The following CRABP1 variants were observed in gnomAD, a reference collection of about 807,000 sequenced individuals.
The protein encoded by CRABP1 is cellular retinoic acid binding protein 1.
CRABP1 carries 9 observed loss-of-function variants against 16.4 expected under a neutral mutation model. The ratio of observed to expected loss-of-function variants is 0.55; its 90% confidence interval spans 0.33 to 0.96. The LOEUF (loss-of-function observed/expected upper bound fraction) is 0.96, where lower values mean the gene tolerates loss of function less well. Ranked by LOEUF, CRABP1 falls within the 40% of genes least tolerant of loss-of-function variation. The pLI is 0.03. For missense variants in CRABP1, 157 were observed against 186.0 expected, an observed-to-expected ratio of 0.84 and a Z score of 0.91; for synonymous variants, 72 against 70.4, an observed-to-expected ratio of 1.02 and a Z score of -0.11.
chr15:78,343,310 C>T (rs940586327), intron 2 of CRABP1, among the ~76,000 whole-genome samples, 189 bp from the exon 3 acceptor site: 1 of 151,950 alleles, frequency 6.6e-6, no homozygotes, highest in African/African-American at 2.4e-5. Context: ...TGTATTTATA[C>T]CCCATAAAAT....
chr15:78,342,389 T>G (rs12593362), intron 2 of CRABP1, among the ~76,000 whole-genome samples: 88,236 of 151,592 alleles, frequency 0.58, 26,881 homozygotes, highest in Non-Finnish European at 0.68. Context: ...AAAAAAAAAA[T>G]TAAAGGTTCA....
chr15:78,343,479 A>C lies in CRABP1; in HGVS notation c.250-20A>C, dbSNP rs375367244. On this transcript the variant is annotated intron_variant, in intron 2 of 3. Transcript: ENST00000299529. ...TGCTGAGACTCTAATTAATGTCACT[A>C]ATGGTTTTCCCGCCTGCAGAGTTTA... 1.9e-6 allele frequency: 3 copies of C among 1,588,476 alleles called. No individual in the cohort carries two copies. The African/African-American group carries it at 4.0e-5, about 21-fold the overall frequency.
rs966520376 is a variant in CRABP1 at position 78,341,491 on chromosome 15, G to A, written c.249+270G>A. 5 of 450,304 alleles carry A rather than the reference G, an allele frequency of 1.1e-5. No individual in the cohort carries two copies. Among genetic ancestry groups the A allele is most frequent in the African/African-American group, 4.0e-5 (2 of 50,042 alleles). 27.9% of individuals were successfully genotyped at this position (450,304 alleles called of 1,614,324 possible). A position where few individuals can be genotyped will look rare whatever the true frequency, so the allele number is the denominator to read the frequency against. On this transcript the variant is annotated intron_variant, in intron 2 of 3. Coordinates refer to ENST00000299529, the MANE Select transcript of CRABP1 (RefSeq NM_004378.3). This position sits in a 1 kb window ranked among gnomAD's most constrained non-coding sequence, Gnocchi z 5.3. The stretch of plus-strand genomic sequence containing the variant: ...TAAAGAGCGGGCTCTGGGTTGCGCC[G>A]CGTTCCCAGCAGTGGCTTTTGCAGC...
At position 78,343,114 on chromosome 15, in the gene CRABP1, C is replaced by CAA. The variant is rs529613378; in HGVS notation, c.250-376_250-375dup. ...TGGGCAACAGAGCGAGACTCCATCT[C>CAA]AAAAAAAAAATGAATAAAAATAAAT... On this transcript the variant is annotated intron_variant, in intron 2 of 3. Transcript: ENST00000299529. Among the ~76,000 whole-genome samples the CAA allele has an allele frequency of 5.5e-3, 813 of 147,010 alleles. 9 individuals are homozygous for CAA. The highest frequency in any genetic ancestry group is 0.02 in the African/African-American group (781 of 39,912).
In CRABP1 at chr15:78,340,411, G is replaced by C; in HGVS notation, c.-18G>C. On this transcript the variant is annotated 5_prime_UTR_variant, in exon 1 of 4. Coordinates refer to ENST00000299529, the MANE Select transcript of CRABP1 (RefSeq NM_004378.3). ...TGCGCCGCCGCTGTCCGTACCTGCC[G>C]CCGCCGCCACCGCCACCATGCCCAA... 6.3e-7 allele frequency: 1 copy of C among 1,580,566 alleles called. No individual in the cohort carries two copies. Among genetic ancestry groups the C allele is most frequent in the Non-Finnish European group, 8.6e-7 (1 of 1,164,998 alleles).
rs143159972 is a variant in CRABP1, at chr15:78,340,440, C to T, written c.12C>T (p.Phe4=). The T allele has an allele frequency of 3.7e-6, 6 of 1,601,028 alleles. No homozygotes were observed. The African/African-American group carries it at 6.7e-5, about 18-fold the overall frequency. MPN[F]AGTWKMRSSE... The stretch of plus-strand genomic sequence containing the variant: ...CCGCCACCGCCACCATGCCCAACTT[C>T]GCCGGCACCTGGAAGATGCGCAGCA... The change falls in exon 1 of 4, where the codon TTC becomes TTT. Residue 4 remains phenylalanine (F), a synonymous_variant. Transcript: ENST00000299529.
chr15:78,348,074 A>G lies in CRABP1; in HGVS notation c.*97A>G. On this transcript the variant is annotated 3_prime_UTR_variant, in exon 4 of 4. Coordinates refer to ENST00000299529, the MANE Select transcript of CRABP1 (RefSeq NM_004378.3). Reference sequence around the variant, plus strand: ...TGCCAGTGGACCGCCCTTTTCCCCTACCAATATTAGGTGATCCCGTTTTCC... The same window carrying G: ...TGCCAGTGGACCGCCCTTTTCCCCTGCCAATATTAGGTGATCCCGTTTTCC... The G allele has an allele frequency of 1.7e-6, 2 of 1,175,426 alleles. No homozygotes were observed. The highest frequency in any genetic ancestry group is 2.6e-5 in the South Asian group (2 of 77,106). 72.8% of individuals were successfully genotyped at this position (1,175,426 alleles called of 1,614,324 possible).
chr15:78,344,392 G>A (rs924390599), intron 3 of CRABP1, among the ~76,000 whole-genome samples: 16 of 151,902 alleles, frequency 1.1e-4, no homozygotes, highest in African/African-American at 3.1e-4. Flanking sequence ...CCCAGGAGGC[G>A]GAGGTTGCAG....
Position 78,341,138 on chromosome 15 carries a change from T to TC in CRABP1, c.168dup (p.Thr57HisfsTer7). ...CGGGGATCAGTTCTACATCAAGACA[T>TC]CCACCACGGTGCGCACCACTGAGAT... is the stretch of plus-strand genomic sequence containing the variant. On this transcript the variant is annotated frameshift_variant, in exon 2 of 4. Transcript: ENST00000299529. LOFTEE classifies it high-confidence loss of function. The surrounding 1 kb of genome is among the most constrained non-coding windows in gnomAD (Gnocchi z 5.3). The TC allele has an allele frequency of 6.2e-7, 1 of 1,612,968 alleles. No homozygotes were observed. Among genetic ancestry groups the TC allele is most frequent in the Non-Finnish European group, 8.5e-7 (1 of 1,179,622 alleles).
At position 78,347,982 on chromosome 15, in the gene CRABP1, A is replaced by C. The variant is rs763190419; in HGVS notation, c.*5A>C. The C allele has an allele frequency of 1.2e-6, 2 of 1,614,120 alleles. No homozygotes were observed. The highest frequency in any genetic ancestry group is 8.5e-7 in the Non-Finnish European group (1 of 1,179,982). ...AGAATTTATGTCCGAGAGTGAAGGC[A>C]GCTGGCTTGCTCCTACTTTCAGGAA... is the stretch of plus-strand genomic sequence containing the variant. On this transcript the variant is annotated 3_prime_UTR_variant, in exon 4 of 4. Transcript: ENST00000299529.
intron 3 of CRABP1, among the ~76,000 whole-genome samples, chr15:78,344,401 A>G (rs976680392): frequency 6.6e-6 from 1 of 152,046 alleles, no homozygotes; most frequent in African/African-American, 2.4e-5. Context: ...CGGAGGTTGC[A>G]GTGAGCTGAG....
At chr15:78,343,434 ATTG>A (rs1555444295) in intron 2 of CRABP1, 62 bp from the exon 3 acceptor site, 3 of 1,264,778 alleles carry the variant, frequency 2.4e-6, no homozygotes, top group Non-Finnish European at 3.4e-6. Flanking sequence ...TTCAATGCTC[ATTG>A]TTGTCCCTGC....
chr15:78,341,089 G>A lies in CRABP1; in HGVS notation c.117G>A (p.Lys39=), dbSNP rs2050230893. Residue 39 remains lysine, a synonymous_variant, in exon 2 of 4, where the codon AAG becomes AAA. Coordinates refer to ENST00000299529, the MANE Select transcript of CRABP1 (RefSeq NM_004378.3). The surrounding 1 kb of genome is among the most constrained non-coding windows in gnomAD (Gnocchi z 5.3). ...LRKVAVAAAS[K]PHVEIRQDGD... Reference sequence around the variant, plus strand: ...AAGTGGCCGTAGCGGCTGCGTCCAAGCCGCACGTGGAGATCCGCCAGGACG... The same window carrying A: ...AAGTGGCCGTAGCGGCTGCGTCCAAACCGCACGTGGAGATCCGCCAGGACG... The A allele has an allele frequency of 6.2e-7, 1 of 1,612,108 alleles. No homozygotes were observed. Among genetic ancestry groups the A allele is most frequent in the East Asian group, 2.2e-5 (1 of 44,844 alleles).
At chr15:78,347,869 T>G in intron 3 of CRABP1, 58 bp from the exon 4 acceptor site, 1 of 1,550,552 alleles carries the variant, frequency 6.4e-7, no homozygotes, top group Non-Finnish European at 8.9e-7. Flanking sequence ...TGATATGCTT[T>G]AAACATTTTT....
At position 78,343,622 on chromosome 15, in the gene CRABP1, C is replaced by G; in HGVS notation, c.363+10C>G. On this transcript the variant is annotated intron_variant, in intron 3 of 3. Coordinates refer to ENST00000299529, the MANE Select transcript of CRABP1 (RefSeq NM_004378.3). The stretch of plus-strand genomic sequence containing the variant: ...CGATGAACTTATCCTGGTAGGGAAC[C>G]CTTGACCCTGAAATAATCCTGAAGT... 1.2e-6 allele frequency: 2 copies of G among 1,611,654 alleles called. No individual in the cohort carries two copies. Among genetic ancestry groups the G allele is most frequent in the Non-Finnish European group, 1.7e-6 (2 of 1,177,944 alleles).
intron 3 of CRABP1, 89 bp from the exon 4 acceptor site, chr15:78,347,838 G>A: frequency 8.5e-7 from 1 of 1,171,332 alleles, no homozygotes; most frequent in East Asian, 2.3e-5. Flanking sequence ...TTTTTAACAG[G>A]GCAATAAGTG....
At chr15:78,340,557 C>T (rs2050226981) in intron 1 of CRABP1, 59 bp downstream of exon 1, 3 of 1,562,864 alleles carry the variant, frequency 1.9e-6, no homozygotes, top group South Asian at 2.3e-5. Flanking sequence ...GTGCCCTGGT[C>T]CCGGAAGTGC....
At chr15:78,344,435 G>A (rs932286632) in intron 3 of CRABP1, among the ~76,000 whole-genome samples, 6 of 147,658 alleles carry the variant, frequency 4.1e-5, no homozygotes, top group Admixed American at 6.8e-5. Flanking sequence ...ACTCCAGCCT[G>A]GGCGACAGAG....
In CRABP1 at chr15:78,347,953, C is replaced by T. The variant is rs757877530; in HGVS notation, c.390C>T (p.Cys130=). The T allele has an allele frequency of 4.3e-6, 7 of 1,614,166 alleles. No homozygotes were observed. The highest frequency in any genetic ancestry group is 3.3e-4 in the Middle Eastern group (2 of 6,060). The part of the protein sequence containing the change: ...ILTFGADDVV[C]TRIYVRE ...CGTTTGGCGCCGATGACGTGGTCTG[C>T]ACCAGAATTTATGTCCGAGAGTGAA... Residue 130 remains cysteine (C), a synonymous_variant, in exon 4 of 4, where the codon TGC becomes TGT. Coordinates refer to ENST00000299529, the MANE Select transcript of CRABP1 (RefSeq NM_004378.3).
Sources: gnomAD v4.1 joint callset for allele counts (sites outside exome capture counted in the v4.1 genomes callset) on GRCh38, gnomAD v4.1.1 for gene constraint, Gnocchi (gnomAD v3.1) non-coding constraint, MANE v1.5 for transcripts, NCBI Gene and HGNC (gene_info 2026-07-23, HGNC 2026-07-21) for gene names.